VEZT: variants seen among roughly 807,000 people sequenced by gnomAD.
VEZT encodes the protein vezatin, adherens junctions transmembrane protein, also known as vezatin.
In VEZT, 39 loss-of-function variants were observed where a neutral mutation model predicts 79.9. The ratio of observed to expected loss-of-function variants is 0.49; its 90% CI spans 0.38 to 0.64. VEZT has a LOEUF of 0.64. Ranked by LOEUF, VEZT falls within the 30% of genes least tolerant of loss-of-function variation. The pLI, the probability that VEZT is intolerant of heterozygous loss-of-function variation, is 0.00. For synonymous variants in VEZT, 325 were observed against 327.6 expected (o/e 0.99, Z 0.09); for missense variants, 837 against 893.1 (o/e 0.94, Z 0.80).
chr12:95,251,881 C>T, intron 1 of VEZT, 59 bp from the exon 2 acceptor site: 1 of 1,544,484 alleles, frequency 6.5e-7, no homozygotes, highest in South Asian at 1.3e-5. Context: ...AAGTTTGGCC[C>T]CCGAAACTTT....
chr12:95,256,058 C>CT (rs1039759134), intron 2 of VEZT, among the ~76,000 whole-genome samples: 81 of 148,844 alleles, frequency 5.4e-4, no homozygotes, highest in Admixed American at 1.1e-3. Context: ...GTGATCTTCT[C>CT]TTTTTTTTTT....
chr12:95,266,688 G>C, intron 5 of VEZT, 56 bp downstream of exon 5: 1 of 1,452,420 alleles, frequency 6.9e-7, no homozygotes, highest in African/African-American at 1.4e-5. Flanking sequence ...CCATAAAGGA[G>C]AATATTTATT....
intron 1 of VEZT, among the ~76,000 whole-genome samples, chr12:95,225,009 T>C (rs567594778): frequency 6.6e-6 from 1 of 152,306 alleles, no homozygotes; most frequent in South Asian, 2.1e-4. Context: ...GGAGCTCTGA[T>C]AGTAACGCTT....
chr12:95,278,650 C>T (rs371509750), intron 7 of VEZT, among the ~76,000 whole-genome samples: 21 of 152,292 alleles, frequency 1.4e-4, no homozygotes, highest in East Asian at 1.3e-3. Flanking sequence ...TTATTGTTCC[C>T]GTATCTTCCC....
intron 1 of VEZT, among the ~76,000 whole-genome samples, chr12:95,245,362 A>T (rs79929197): frequency 0.084 from 12,794 of 152,268 alleles, 583 homozygotes; most frequent in Middle Eastern, 0.12. Context: ...TGAAACAGGG[A>T]GAGGATTTTT....
At chr12:95,260,005 C>T (rs1247728662) in intron 3 of VEZT, among the ~76,000 whole-genome samples, 2 of 151,638 alleles carry the variant, frequency 1.3e-5, no homozygotes, top group Non-Finnish European at 2.9e-5. Context: ...GCAATCTAAT[C>T]ACTAAGATAA....
chr12:95,228,727 G>T (rs2058832837), intron 1 of VEZT, among the ~76,000 whole-genome samples: 1 of 152,180 alleles, frequency 6.6e-6, no homozygotes, highest in Non-Finnish European at 1.5e-5. Flanking sequence ...AGTCTAGCCA[G>T]ATATGGTAGT....
intron 1 of VEZT, among the ~76,000 whole-genome samples, chr12:95,247,603 C>T (rs12299283): frequency 3.3e-5 from 5 of 151,818 alleles, no homozygotes; most frequent in Non-Finnish European, 7.4e-5. Context: ...TGTCATTAGA[C>T]GTCCATGTAA....
At chr12:95,283,153 G>A (rs2069629625) in intron 8 of VEZT, among the ~76,000 whole-genome samples, 6 of 152,188 alleles carry the variant, frequency 3.9e-5, no homozygotes. Context: ...AGAGCAAAAT[G>A]TAGAGTCTAG....
intron 9 of VEZT, 124 bp from the exon 10 acceptor site, chr12:95,294,147 GA>G: frequency 1.5e-6 from 1 of 676,158 alleles, no homozygotes; most frequent in East Asian, 3.0e-5. Context: ...TCAGCCTCCC[GA>G]AGTGCTGGGA....
intron 1 of VEZT, among the ~76,000 whole-genome samples, chr12:95,245,970 C>A (rs2061658369): frequency 6.6e-6 from 1 of 152,174 alleles, no homozygotes; most frequent in African/African-American, 2.4e-5. Context: ...CAGAGAAAGA[C>A]CCTGTCTCAA....
chr12:95,280,096 G>A lies in VEZT; in HGVS notation c.997-2217G>A, dbSNP rs372355228. On this transcript the variant is annotated intron_variant, in intron 7 of 11. Transcript: ENST00000436874. ...CCGTGGTCTCATTAATGCTTACCTG[G>A]AATATTGCAGTAACTTCCTTACTGG... is the stretch of plus-strand genomic sequence containing the variant. 3.6e-4 allele frequency among the ~76,000 whole-genome samples: 55 copies of A among 152,204 alleles called. No homozygotes were observed. In the South Asian group the frequency reaches 0.011, roughly 30 times the overall value.
intron 3 of VEZT, 75 bp from the exon 4 acceptor site, chr12:95,262,831 G>T: frequency 1.5e-6 from 2 of 1,307,568 alleles, no homozygotes; most frequent in Non-Finnish European, 1.0e-6. Context: ...AATTTTATTA[G>T]TACATTAGGA....
Position 95,300,335 on chromosome 12 carries a change from T to G in VEZT, c.2002T>G (p.Ser668Ala), listed in dbSNP as rs17855934. Reference sequence around the variant, plus strand: ...TAGGACTGAGTATTTATGTGAAAACTCTCTAGAAGGTAAAAATAAAGATAA... The same window carrying G: ...TAGGACTGAGTATTTATGTGAAAACGCTCTAGAAGGTAAAAATAAAGATAA... ...ISRTEYLCEN[S>A]LEGKNKDNSS... The change falls in exon 12 of 12, where the codon TCT (serine) becomes GCT (alanine). Residue 668 changes from serine to alanine, a missense_variant. Ser to Ala is a moderately conservative substitution (Grantham distance 99, BLOSUM62 1). Coordinates refer to ENST00000436874, the MANE Select transcript of VEZT (RefSeq NM_017599.4). 148,334 of 1,610,754 alleles carry G rather than the reference T, an allele frequency of 0.092. 7,302 individuals are homozygous for G. Among genetic ancestry groups the G allele is most frequent in the Middle Eastern group, 0.1 (626 of 6,058 alleles).
chr12:95,226,778 A>G (rs1280463306), intron 1 of VEZT, among the ~76,000 whole-genome samples: 2 of 152,186 alleles, frequency 1.3e-5, no homozygotes, highest in African/African-American at 2.4e-5. Flanking sequence ...CCCAGGCCCA[A>G]TTCCCATTTC....
At chr12:95,297,425 A>G (rs532869111) in intron 11 of VEZT, among the ~76,000 whole-genome samples, 6 of 149,964 alleles carry the variant, frequency 4.0e-5, no homozygotes, top group Non-Finnish European at 5.9e-5. Flanking sequence ...CAGGAGCCCT[A>G]TGTTTTCTCC....
intron 1 of VEZT, among the ~76,000 whole-genome samples, chr12:95,224,440 A>G (rs1168335149): frequency 3.9e-5 from 6 of 152,066 alleles, no homozygotes; most frequent in Non-Finnish European, 7.4e-5. Context: ...CAGCCTCTCA[A>G]GTAGCTGGGA....
chr12:95,257,461 C>G (rs188394640), intron 3 of VEZT, among the ~76,000 whole-genome samples: 24 of 152,252 alleles, frequency 1.6e-4, no homozygotes, highest in African/African-American at 5.5e-4. Context: ...GTTATTGAAA[C>G]GTTATTTGTT....
chr12:95,231,947 C>T (rs2059335718), intron 1 of VEZT, among the ~76,000 whole-genome samples: 1 of 152,094 alleles, frequency 6.6e-6, no homozygotes, highest in Non-Finnish European at 1.5e-5. Flanking sequence ...GTAGATTCCT[C>T]ATTAAAAATT....
Sources: gnomAD v4.1 joint callset for allele counts (sites outside exome capture counted in the v4.1 genomes callset) on GRCh38, gnomAD v4.1.1 for gene constraint, MANE v1.5 for transcripts, NCBI Gene and HGNC (gene_info 2026-07-23, HGNC 2026-07-21) for gene names.